LRRN4: variants seen among roughly 807,000 people sequenced by gnomAD.
LRRN4 encodes the protein leucine rich repeat neuronal 4.
Under a neutral mutation model 22.3 loss-of-function variants are expected in LRRN4, and 26 were observed. That is an observed-to-expected ratio of 1.16 (90% CI 0.85 to 1.62). The LOEUF is 1.62. Ranked by LOEUF, LRRN4 falls within the 40% of genes most tolerant of loss-of-function variation. LRRN4 has a pLI of 0.00. For synonymous variants in LRRN4, 496 were observed against 486.2 expected (o/e 1.02, Z -0.26); for missense variants, 1,070 against 1,008.5 (o/e 1.06, Z -0.83).
rs1270824423 is a variant in LRRN4 at position 6,050,962 on chromosome 20, T to C, written c.677A>G (p.Asp226Gly). Reference protein sequence around the residue: ...LERVESGWIRDLPKLTSLYLR... With the variant: ...LERVESGWIRGLPKLTSLYLR... ...GTAGAGGGATGTGAGCTTCGGCAGG[T>C]CTCTGATCCACCCTGACTCAACTGA... Residue 226 changes from aspartate to glycine, a missense_variant, in exon 3 of 5, where the codon GAC becomes GGC. Coordinates refer to ENST00000378858, the MANE Select transcript of LRRN4 (RefSeq NM_152611.5). The C allele has an allele frequency of 8.1e-6, 13 of 1,613,842 alleles. No individual in the cohort carries two copies. The highest frequency in any genetic ancestry group is 1.1e-5 in the Non-Finnish European group (13 of 1,180,024).
rs183146089 is a variant in LRRN4, at chr20:6,048,286, G to A, written c.860+2493C>T. On this transcript the variant is annotated intron_variant, in intron 3 of 4. Transcript: ENST00000378858. ...TCCTTTCCTGGTTCTTCTTCATCCC[G>A]ATGTTAAAAGTTGGGGTTCTTCAAG... Among the ~76,000 whole-genome samples the A allele has an allele frequency of 2.7e-3, 413 of 152,146 alleles. 2 individuals carry two copies. The highest frequency in any genetic ancestry group is 9.6e-3 in the African/African-American group (400 of 41,484).
In LRRN4 at chr20:6,041,713, T is replaced by G. The variant is rs1980958856; in HGVS notation, c.1532A>C (p.Asn511Thr). ...AATCTCGCCCTCGGAAAGACTCGGG[T>G]TGGGGGCTTGGGGTGTGGCGTGTGT... ...QRTHATPQAP[N>T]PSLSEGEIPV... Residue 511 changes from asparagine to threonine, a missense_variant, in exon 5 of 5, where the codon AAC (asparagine) becomes ACC (threonine). By Grantham distance (65) the Asn-to-Thr change is moderately conservative (BLOSUM62 0). Coordinates refer to ENST00000378858, the MANE Select transcript of LRRN4 (RefSeq NM_152611.5). This position sits in a 1 kb window ranked among gnomAD's most constrained non-coding sequence, Gnocchi z 9.4. The G allele has an allele frequency of 6.2e-7, 1 of 1,613,144 alleles. No individual in the cohort carries two copies. Among genetic ancestry groups the G allele is most frequent in the Admixed American group, 1.7e-5 (1 of 59,962 alleles).
chr20:6,052,786 A>G lies in LRRN4; in HGVS notation c.14T>C (p.Leu5Pro). 4 of 1,571,010 alleles carry G rather than the reference A, an allele frequency of 2.5e-6. No individual in the cohort carries two copies. Among genetic ancestry groups the G allele is most frequent in the Non-Finnish European group, 3.4e-6 (4 of 1,166,108 alleles). ...CAGCACCGTCAGCAGCAGCAGCGGT[A>G]GGGTTTGCCGCATGGCGTCTGGGGA... MRQT[L>P]PLLLLTVLRP... The change falls in exon 2 of 5, where the codon CTA (leucine) becomes CCA (proline). Residue 5 changes from leucine to proline, a missense_variant. By Grantham distance (98) the Leu-to-Pro change is moderately conservative (BLOSUM62 -3). Transcript: ENST00000378858.
Position 6,042,197 on chromosome 20 carries a change from A to G in LRRN4, c.1048T>C (p.Ser350Pro), listed in dbSNP as rs1277600554. The G allele has an allele frequency of 6.2e-7, 1 of 1,613,808 alleles. No homozygotes were observed. The highest frequency in any genetic ancestry group is 2.2e-5 in the East Asian group (1 of 44,880). ...APAAGSSGPFSASLSLSQLPG... is the reference protein window; with the variant it reads ...APAAGSSGPFPASLSLSQLPG... The stretch of plus-strand genomic sequence containing the variant: ...AGCTGGGAGAGTGACAGGGAGGCTG[A>G]GAAGGGGCCGCTGGATCCCGCAGCT... Residue 350 changes from serine (S) to proline (P), a missense_variant, in exon 5 of 5, where the codon TCA (serine) becomes CCA (proline). By Grantham distance (74) the Ser-to-Pro change is moderately conservative (BLOSUM62 -1). Coordinates refer to ENST00000378858, the MANE Select transcript of LRRN4 (RefSeq NM_152611.5).
At chr20:6,049,514 T>C (rs941802742) in intron 3 of LRRN4, among the ~76,000 whole-genome samples, 7 of 151,960 alleles carry the variant, frequency 4.6e-5, no homozygotes, top group African/African-American at 1.7e-4. Context: ...TTTGTTTTGA[T>C]TTTGAGACAG....
At chr20:6,052,954 C>T (rs868681106) in intron 1 of LRRN4, 150 bp from the exon 2 acceptor site, 1 of 847,442 alleles carries the variant, frequency 1.2e-6, no homozygotes, top group Middle Eastern at 2.3e-4. Flanking sequence ...CCCAGAGTCG[C>T]CTAGTGTGCA....
chr20:6,042,906 G>A (rs1178647418), intron 4 of LRRN4, among the ~76,000 whole-genome samples: 2 of 129,406 alleles, frequency 1.5e-5, no homozygotes, highest in Non-Finnish European at 3.2e-5. Context: ...GCAACAGAGG[G>A]AGACTCTGTC....
chr20:6,041,579 G>GC lies in LRRN4; in HGVS notation c.1665dup (p.Gln556AlafsTer175). On this transcript the variant is annotated frameshift_variant, in exon 5 of 5. Transcript: ENST00000378858. LOFTEE classifies it low-confidence loss of function (END_TRUNC). The surrounding 1 kb of genome is among the most constrained non-coding windows in gnomAD (Gnocchi z 9.4). ...CTCTGCAGCTCCGCGCACGGGGTCT[G>GC]CAGGTGCTTGCAGGGATGGTAATCA... is the stretch of plus-strand genomic sequence containing the variant. 6.4e-7 allele frequency: 1 copy of GC among 1,563,042 alleles called. No homozygotes were observed. Among genetic ancestry groups the GC allele is most frequent in the South Asian group, 1.2e-5 (1 of 82,144 alleles).
chr20:6,052,072 C>A, intron 2 of LRRN4, 73 bp downstream of exon 2: 1 of 1,494,454 alleles, frequency 6.7e-7, no homozygotes, highest in Non-Finnish European at 8.9e-7. Context: ...GAACGCAGCC[C>A]TGCCCCCCGG....
In LRRN4 at chr20:6,041,330, A is replaced by G. The variant is rs144469918; in HGVS notation, c.1915T>C (p.Tyr639His). The change falls in exon 5 of 5, where the codon TAC (tyrosine) becomes CAC (histidine). Residue 639 changes from tyrosine (Y) to histidine (H), a missense_variant. Physicochemically the swap from Tyr to His is moderately conservative, Grantham distance 83. Transcript: ENST00000378858. The surrounding 1 kb of genome is among the most constrained non-coding windows in gnomAD (Gnocchi z 9.4). ...TAGGTGGTGCCCGGCGACAGCCCGTACAGAGGGTGCTGCCGGGCCGTGGCG... is the reference window on the plus strand; with the variant it reads ...TAGGTGGTGCCCGGCGACAGCCCGTGCAGAGGGTGCTGCCGGGCCGTGGCG... ...IYATARQHPL[Y>H]GLSPGTTYRV... The G allele has an allele frequency of 2.0e-5, 32 of 1,598,590 alleles. No homozygotes were observed. In the African/African-American group the frequency reaches 3.5e-4, roughly 17 times the overall value.
chr20:6,040,939 G>T lies in LRRN4; in HGVS notation c.*83C>A. ...CACGGGAATTAGAAACCCTAGGAGC[G>T]GATGGGGTCGTTTTTGACCGTCTGT... On this transcript the variant is annotated 3_prime_UTR_variant, in exon 5 of 5. Transcript: ENST00000378858. The T allele has an allele frequency of 6.4e-7, 1 of 1,558,560 alleles. No homozygotes were observed. The highest frequency in any genetic ancestry group is 8.7e-7 in the Non-Finnish European group (1 of 1,148,264).
At chr20:6,051,399 G>C (rs1981242650) in intron 2 of LRRN4, among the ~76,000 whole-genome samples, 1 of 152,172 alleles carries the variant, frequency 6.6e-6, no homozygotes, top group Non-Finnish European at 1.5e-5. Context: ...AAGGAGGCGA[G>C]GGGCCCCCAG....
chr20:6,052,233 G>GC lies in LRRN4; in HGVS notation c.566dup (p.Ile190HisfsTer28), dbSNP rs780053537. 36 of 1,570,202 alleles carry GC rather than the reference G, an allele frequency of 2.3e-5. No homozygotes were observed. The highest frequency in any genetic ancestry group is 2.8e-5 in the Non-Finnish European group (32 of 1,158,676). On this transcript the variant is annotated frameshift_variant, in exon 2 of 5. Coordinates refer to ENST00000378858, the MANE Select transcript of LRRN4 (RefSeq NM_152611.5). LOFTEE classifies it high-confidence loss of function. ...CTCCAGCGAACGCCGCCTCGGCGAT[G>GC]CCCCCCTGGGCTCCGCGACCCAGCG... is the stretch of plus-strand genomic sequence containing the variant.
rs1238196303 is a variant in LRRN4 at position 6,041,685 on chromosome 20, TGGAATCTC to T, written c.1552_1559del (p.Glu518SerfsTer9). The T allele has an allele frequency of 6.2e-7, 1 of 1,612,908 alleles. No homozygotes were observed. The highest frequency in any genetic ancestry group is 8.5e-7 in the Non-Finnish European group (1 of 1,179,342). On this transcript the variant is annotated frameshift_variant, in exon 5 of 5. Coordinates refer to ENST00000378858, the MANE Select transcript of LRRN4 (RefSeq NM_152611.5). LOFTEE classifies it low-confidence loss of function (END_TRUNC). The surrounding 1 kb of genome is among the most constrained non-coding windows in gnomAD (Gnocchi z 9.4). ...CACTGTAGTCGTCCAGCAGCAAGACTGGAATCTCGCCCTCGGAAAGACTCGGGTTGGGG... is the reference window on the plus strand; with the variant it reads ...CACTGTAGTCGTCCAGCAGCAAGACTGCCCTCGGAAAGACTCGGGTTGGGG...
intron 3 of LRRN4, among the ~76,000 whole-genome samples, chr20:6,045,216 A>G (rs773085983): frequency 2.0e-5 from 3 of 148,492 alleles, no homozygotes; most frequent in Non-Finnish European, 4.5e-5. Context: ...AGGCAGGTGG[A>G]TTATTTGAGG....
Position 6,042,024 on chromosome 20 carries a change from G to A in LRRN4, c.1221C>T (p.Ser407=). 6.2e-7 allele frequency: 1 copy of A among 1,613,978 alleles called. No individual in the cohort carries two copies. The highest frequency in any genetic ancestry group is 8.5e-7 in the Non-Finnish European group (1 of 1,179,984). ...TRPAGDQQSV[S]KAPNVGSRTI... ...TGCGAGAGCCCACGTTAGGGGCCTTGGAGACACTCTGCTGGTCTCCCGCAG... is the reference window on the plus strand; with the variant it reads ...TGCGAGAGCCCACGTTAGGGGCCTTAGAGACACTCTGCTGGTCTCCCGCAG... The change falls in exon 5 of 5, where the codon TCC becomes TCT. Residue 407 remains serine, a synonymous_variant. Transcript: ENST00000378858.
In LRRN4 at chr20:6,042,156, C is replaced by A; in HGVS notation, c.1089G>T (p.Gln363His). The part of the protein sequence containing the change: ...LSLSQLPGVC[Q>H]SDQSTTLGAS... ...CCCCGAGAGTGGTGCTTTGGTCGGA[C>A]TGGCACACTCCGGGCAGCTGGGAGA... The change falls in exon 5 of 5, where the codon CAG becomes CAT. Residue 363 changes from glutamine (Q) to histidine (H), a missense_variant. Gln to His is a conservative substitution (Grantham distance 24, BLOSUM62 0). Coordinates refer to ENST00000378858, the MANE Select transcript of LRRN4 (RefSeq NM_152611.5). 6.2e-7 allele frequency: 1 copy of A among 1,614,178 alleles called. No homozygotes were observed. The highest frequency in any genetic ancestry group is 8.5e-7 in the Non-Finnish European group (1 of 1,180,030).
In LRRN4 at chr20:6,042,076, G is replaced by A. The variant is rs1447611807; in HGVS notation, c.1169C>T (p.Ala390Val). 2 of 1,613,970 alleles carry A rather than the reference G, an allele frequency of 1.2e-6. No individual in the cohort carries two copies. Among genetic ancestry groups the A allele is most frequent in the African/African-American group, 1.3e-5 (1 of 74,938 alleles). Residue 390 changes from alanine to valine, a missense_variant, in exon 5 of 5, where the codon GCG becomes GTG. By Grantham distance (64) the Ala-to-Val change is moderately conservative. Coordinates refer to ENST00000378858, the MANE Select transcript of LRRN4 (RefSeq NM_152611.5). ...CCGGGTGGCGGGGGCTGCGCTGGGC[G>A]CGACGGTGGTACCCTGTGCGTAGGT... Reference protein sequence around the residue: ...RSTYAQGTTVAPSAAPATRPA... With the variant: ...RSTYAQGTTVVPSAAPATRPA...
In LRRN4 at chr20:6,041,872, CG is replaced by C; in HGVS notation, c.1372del (p.Arg458GlufsTer37). ...GACAAGCTCGGGGGCATGTTCTCCTCGGTGCTGGGTCCTGGTGGTGCTGGCA... is the reference window on the plus strand; with the variant it reads ...GACAAGCTCGGGGGCATGTTCTCCTCGTGCTGGGTCCTGGTGGTGCTGGCA... The part of the protein sequence containing the change: ...RAASTTRTQH[R>X]GEHAPELVLE... On this transcript the variant is annotated frameshift_variant, in exon 5 of 5. Transcript: ENST00000378858. LOFTEE classifies it low-confidence loss of function (END_TRUNC). The surrounding 1 kb of genome is among the most constrained non-coding windows in gnomAD (Gnocchi z 9.4). 6.2e-7 allele frequency: 1 copy of C among 1,614,132 alleles called. No individual in the cohort carries two copies. The highest frequency in any genetic ancestry group is 8.5e-7 in the Non-Finnish European group (1 of 1,180,010).
Sources: allele counts gnomAD v4.1 joint callset (sites outside exome capture counted in the v4.1 genomes callset), GRCh38; gene constraint gnomAD v4.1.1; non-coding constraint Gnocchi (gnomAD v3.1); transcripts MANE v1.5; gene names NCBI Gene and HGNC (gene_info 2026-07-23, HGNC 2026-07-21).